Variants in MAEA observed in about 807,000 individuals in gnomAD.
MAEA encodes E3 ubiquitin-protein transferase MAEA.
A neutral mutation model predicts 46.2 loss-of-function variants in MAEA; 22 were observed. That is an observed-to-expected ratio of 0.48 (90% confidence interval 0.34 to 0.68). The LOEUF (loss-of-function observed/expected upper bound fraction) is 0.68, where lower values mean the gene tolerates loss of function less well. Ranked by LOEUF, MAEA falls within the 30% of genes least tolerant of loss-of-function variation. The pLI is 0.01. For missense variants in MAEA, 393 were observed against 558.1 expected, an observed-to-expected ratio of 0.70 and a Z score of 2.98; for synonymous variants, 246 against 222.6, an observed-to-expected ratio of 1.11 and a Z score of -0.94.
chr4:1,322,440 G>A lies in MAEA; in HGVS notation c.516G>A (p.Arg172=), dbSNP rs760039632. The A allele has an allele frequency of 6.2e-7, 1 of 1,614,074 alleles. No individual in the cohort carries two copies. The highest frequency in any genetic ancestry group is 8.5e-7 in the Non-Finnish European group (1 of 1,180,014). Residue 172 remains arginine (R), a synonymous_variant, in exon 4 of 9, where the codon AGG becomes AGA. Transcript: ENST00000303400. ...TAKEVEESLE[R]RETATCLAWC... ...AAGAGGTGGAGGAGTCCCTGGAGAG[G>A]CGTGAGACGGCCACCTGCCTGGCCT...
chr4:1,297,991 C>G (rs1354345832), intron 1 of MAEA: 1 of 456,166 alleles, frequency 2.2e-6, no homozygotes, highest in Non-Finnish European at 4.4e-6. Context: ...GTGCAAGGCC[C>G]CTGCACTGGC....
At chr4:1,328,446 C>T (rs796956865) in intron 5 of MAEA, among the ~76,000 whole-genome samples, 1 of 152,222 alleles carries the variant, frequency 6.6e-6, no homozygotes, top group Non-Finnish European at 1.5e-5. Context: ...AGTGCTAGGT[C>T]GTCTCACTCA....
At chr4:1,325,803 C>T (rs1297640290) in intron 4 of MAEA, among the ~76,000 whole-genome samples, 1 of 152,130 alleles carries the variant, frequency 6.6e-6, no homozygotes, top group Non-Finnish European at 1.5e-5. Context: ...GGACTCGGGA[C>T]CCTGGGATGA....
chr4:1,337,080 A>T lies in MAEA; in HGVS notation c.899+86A>T, dbSNP rs866037383. The stretch of plus-strand genomic sequence containing the variant: ...TAACACGCTGACCCTGCACCTTGCC[A>T]CTCTTGTCCTCCCACCACAGACAGC... On this transcript the variant is annotated intron_variant, in intron 7 of 8. Coordinates refer to ENST00000303400, the MANE Select transcript of MAEA (RefSeq NM_001017405.3). 451 of 1,485,984 alleles carry T rather than the reference A, an allele frequency of 3.0e-4. 1 individual carries two copies. Among genetic ancestry groups the T allele is most frequent in the Non-Finnish European group, 3.9e-4 (422 of 1,090,348 alleles). The allele number at this position is 1,485,984 out of a possible 1,614,324, so 92.0% of individuals were successfully genotyped here. A position where few individuals can be genotyped will look rare whatever the true frequency, so the allele number is the denominator to read the frequency against.
intron 8 of MAEA, 45 bp from the exon 9 acceptor site, chr4:1,339,029 C>A: frequency 7.1e-7 from 1 of 1,412,108 alleles, no homozygotes; most frequent in Non-Finnish European, 1.0e-6. Flanking sequence ...TCCGTGTGTA[C>A]GTTGTAGTCG....
chr4:1,333,213 C>G (rs1265967411), intron 6 of MAEA, among the ~76,000 whole-genome samples: 5 of 152,026 alleles, frequency 3.3e-5, no homozygotes, highest in Non-Finnish European at 7.4e-5. Flanking sequence ...ATAGTAGCAC[C>G]TGCCTATAGT....
In MAEA at chr4:1,339,070, T is replaced by A. The variant is rs571560172; in HGVS notation, c.1096-4T>A. On this transcript the variant is annotated splice_region_variant and splice_polypyrimidine_tract_variant and intron_variant, in intron 8 of 8. Transcript: ENST00000303400. ...CTTAATGCATTCCCGGTTTTATTTT[T>A]CAGTCTCTGCTTTCTATCCGTCAAG... 6.2e-7 allele frequency: 1 copy of A among 1,612,596 alleles called. No individual in the cohort carries two copies. The highest frequency in any genetic ancestry group is 1.1e-5 in the South Asian group (1 of 91,064).
intron 6 of MAEA, chr4:1,334,966 G>A: frequency 1.0e-6 from 1 of 985,418 alleles, no homozygotes; most frequent in East Asian, 1.1e-4. Flanking sequence ...AACTGAGACT[G>A]AGAAGCTTAC....
chr4:1,304,938 A>G (rs1311513320), intron 1 of MAEA, among the ~76,000 whole-genome samples: 1 of 152,214 alleles, frequency 6.6e-6, no homozygotes, highest in Non-Finnish European at 1.5e-5. Context: ...ACTGAATGGT[A>G]CTGCTTTGTG....
chr4:1,319,410 G>C (rs1458388497), intron 3 of MAEA, among the ~76,000 whole-genome samples: 3 of 152,124 alleles, frequency 2.0e-5, no homozygotes, highest in African/African-American at 7.2e-5. Context: ...AGTTCACTTA[G>C]ATGGTTTCTA....
At chr4:1,304,946 G>A (rs1735691219) in intron 1 of MAEA, among the ~76,000 whole-genome samples, 1 of 152,102 alleles carries the variant, frequency 6.6e-6, no homozygotes, top group South Asian at 2.1e-4. Context: ...GTACTGCTTT[G>A]TGGCTTTATC....
chr4:1,335,389 A>G (rs10017907), intron 6 of MAEA: 10 of 985,398 alleles, frequency 1.0e-5, no homozygotes, highest in South Asian at 4.7e-5. Flanking sequence ...TTAAGTCAGC[A>G]CCAGCCCTGT....
rs1241291722 is a variant in MAEA, at chr4:1,339,273, C to T, written c.*104C>T. On this transcript the variant is annotated 3_prime_UTR_variant, in exon 9 of 9. Coordinates refer to ENST00000303400, the MANE Select transcript of MAEA (RefSeq NM_001017405.3). ...CCAGCCTGCCGCGGCGTTTCTGTTTCTTGCGACCAAAGATCCGTGAGCAAC... is the reference window on the plus strand; with the variant it reads ...CCAGCCTGCCGCGGCGTTTCTGTTTTTTGCGACCAAAGATCCGTGAGCAAC... 3 of 798,914 alleles carry T rather than the reference C, an allele frequency of 3.8e-6. No individual in the cohort carries two copies. The highest frequency in any genetic ancestry group is 6.5e-6 in the Non-Finnish European group (3 of 463,626). 49.5% of individuals were successfully genotyped at this position (798,914 alleles called of 1,614,324 possible).
At chr4:1,327,099 C>A (rs1238032114) in intron 4 of MAEA, among the ~76,000 whole-genome samples, 1 of 152,224 alleles carries the variant, frequency 6.6e-6, no homozygotes, top group Non-Finnish European at 1.5e-5. Context: ...GTCTCCTCCC[C>A]ACCCGGGGCA....
intron 4 of MAEA, among the ~76,000 whole-genome samples, chr4:1,323,163 T>C (rs1252863138): frequency 6.6e-6 from 1 of 152,002 alleles, no homozygotes; most frequent in East Asian, 1.9e-4. Context: ...GCCAGGATGG[T>C]CTTGATCTCC....
At chr4:1,306,457 G>T (rs550130647) in intron 1 of MAEA, among the ~76,000 whole-genome samples, 20 of 152,328 alleles carry the variant, frequency 1.3e-4, no homozygotes, top group African/African-American at 4.6e-4. Flanking sequence ...GGAGGTTGCA[G>T]TGAGCCGAGA....
chr4:1,336,775 C>T, intron 6 of MAEA, 86 bp from the exon 7 acceptor site: 2 of 1,378,794 alleles, frequency 1.5e-6, no homozygotes, highest in South Asian at 1.3e-5. Flanking sequence ...GCCGATGGCA[C>T]CTGCTTCACC....
chr4:1,308,748 A>G (rs1736082533), intron 1 of MAEA, among the ~76,000 whole-genome samples: 1 of 152,170 alleles, frequency 6.6e-6, no homozygotes, highest in Non-Finnish European at 1.5e-5. Context: ...CACCCATTTT[A>G]AAATTGGATA....
chr4:1,323,498 C>G, intron 4 of MAEA: 1 of 702,458 alleles, frequency 1.4e-6, no homozygotes, highest in South Asian at 1.5e-5. Context: ...CACTCAGGGC[C>G]GCCAAAACAA....
Sources: gnomAD v4.1 joint callset for allele counts (sites outside exome capture counted in the v4.1 genomes callset) on GRCh38, gnomAD v4.1.1 for gene constraint, MANE v1.5 for transcripts, NCBI Gene and HGNC (gene_info 2026-07-23, HGNC 2026-07-21) for gene names.